The following CAMKMT variants were observed in gnomAD, a reference collection of about 807,000 sequenced individuals.
CAMKMT encodes the protein CaM KMT.
A neutral mutation model predicts 48.0 loss-of-function variants in CAMKMT; 53 were observed. The ratio of observed to expected loss-of-function variants is 1.10; its 90% confidence interval spans 0.89 to 1.39. CAMKMT has a LOEUF of 1.39. Ranked by LOEUF, CAMKMT falls within the 40% of genes most tolerant of loss-of-function variation. The probability of loss-of-function intolerance (pLI) is 0.00; values close to 1 mark genes in which losing one functional copy is unlikely to be tolerated. For synonymous variants in CAMKMT, 165 were observed against 152.3 expected, an observed-to-expected ratio of 1.08 and a Z score of -0.61; for missense variants, 428 against 402.7, an observed-to-expected ratio of 1.06 and a Z score of -0.54.
chr2:44,614,279 C>A (rs1316133986), intron 3 of CAMKMT, among the ~76,000 whole-genome samples: 2 of 152,162 alleles, frequency 1.3e-5, no homozygotes, highest in Non-Finnish European at 2.9e-5. Flanking sequence ...AGTGTCTTCC[C>A]TGTGCCAGGG....
At chr2:44,729,602 G>T (rs973350251) in intron 7 of CAMKMT, among the ~76,000 whole-genome samples, 13 of 152,194 alleles carry the variant, frequency 8.5e-5, no homozygotes, top group Non-Finnish European at 1.9e-4. Flanking sequence ...CAGGGCAGGT[G>T]AAGCAATGGG....
At position 44,536,638 on chromosome 2, in the gene CAMKMT, T is replaced by C. The variant is rs1666788209; in HGVS notation, c.376+146333T>C. ...CCACTACACCTGGCCTCCAACGTTA[T>C]TTTTCGTAGAAATAGAAAAAATAAT... is the stretch of plus-strand genomic sequence containing the variant. On this transcript the variant is annotated intron_variant, in intron 3 of 10. Coordinates refer to ENST00000378494, the MANE Select transcript of CAMKMT (RefSeq NM_024766.5). 4.6e-5 allele frequency among the ~76,000 whole-genome samples: 7 copies of C among 152,052 alleles called. No homozygotes were observed. The South Asian group carries it at 1.5e-3, about 32-fold the overall frequency.
At chr2:44,488,826 G>A (rs893559538) in intron 3 of CAMKMT, among the ~76,000 whole-genome samples, 1 of 148,752 alleles carries the variant, frequency 6.7e-6, no homozygotes, top group Non-Finnish European at 1.5e-5. Context: ...TTAAAAATTA[G>A]AAAAGCCTTA....
intron 3 of CAMKMT, among the ~76,000 whole-genome samples, chr2:44,607,530 C>G (rs1671353371): frequency 6.6e-6 from 1 of 152,044 alleles, no homozygotes; most frequent in African/African-American, 2.4e-5. Flanking sequence ...AAGATATTTT[C>G]TATTTATTTT....
chr2:44,667,938 G>A (rs149285773), intron 3 of CAMKMT, among the ~76,000 whole-genome samples: 709 of 152,038 alleles, frequency 4.7e-3, no homozygotes, highest in Non-Finnish European at 8.0e-3. Context: ...TTTCATCCTC[G>A]ACACTCAGCC....
intron 3 of CAMKMT, among the ~76,000 whole-genome samples, chr2:44,670,892 A>G (rs1035618898): frequency 2.0e-5 from 3 of 151,988 alleles, no homozygotes; most frequent in East Asian, 1.9e-4. Flanking sequence ...TAGAGATTAC[A>G]CTCTATTGCC....
chr2:44,545,693 T>TTC (rs1168076594), intron 3 of CAMKMT, among the ~76,000 whole-genome samples: 5 of 151,390 alleles, frequency 3.3e-5, no homozygotes, highest in Non-Finnish European at 7.4e-5. Context: ...TTTTTTTTTT[T>TTC]TTTTTAACTA....
intron 3 of CAMKMT, among the ~76,000 whole-genome samples, chr2:44,624,505 G>A (rs1181141362): frequency 2.0e-5 from 3 of 152,008 alleles, no homozygotes; most frequent in African/African-American, 4.8e-5. Flanking sequence ...AGTCCCCAGT[G>A]TGTGATGTTC....
intron 3 of CAMKMT, among the ~76,000 whole-genome samples, chr2:44,463,502 A>G (rs79339488): frequency 0.093 from 14,181 of 152,198 alleles, 917 homozygotes; most frequent in African/African-American, 0.17. Context: ...TGTACATGCA[A>G]TATACTAGCT....
chr2:44,614,955 T>TTTTTTG, intron 3 of CAMKMT, among the ~76,000 whole-genome samples: 1 of 139,030 alleles, frequency 7.2e-6, no homozygotes, highest in Non-Finnish European at 1.5e-5. Flanking sequence ...TTTTTTTTTT[T>TTTTTTG]TTTTTGAGAC....
intron 9 of CAMKMT, among the ~76,000 whole-genome samples, chr2:44,759,947 G>C (rs116325976): frequency 2.0e-5 from 3 of 152,084 alleles, no homozygotes; most frequent in Admixed American, 6.5e-5. Context: ...TGAATCTTTC[G>C]AATTTACGCC....
chr2:44,663,025 G>A (rs1674761234), intron 3 of CAMKMT, among the ~76,000 whole-genome samples: 1 of 152,158 alleles, frequency 6.6e-6, no homozygotes, highest in Non-Finnish European at 1.5e-5. Context: ...CAATTTGAGA[G>A]TAAATTGCAG....
intron 3 of CAMKMT, among the ~76,000 whole-genome samples, chr2:44,516,339 G>T (rs1670831986): frequency 6.6e-6 from 1 of 152,158 alleles, no homozygotes; most frequent in African/African-American, 2.4e-5. Flanking sequence ...GCATTTTCTA[G>T]TTTAATTTTT....
At chr2:44,605,503 T>C (rs1671233273) in intron 3 of CAMKMT, among the ~76,000 whole-genome samples, 1 of 152,130 alleles carries the variant, frequency 6.6e-6, no homozygotes, top group South Asian at 2.1e-4. Context: ...TACACACAGG[T>C]ATATCATCAC....
At chr2:44,448,110 T>G (rs1199106490) in intron 3 of CAMKMT, among the ~76,000 whole-genome samples, 1 of 152,200 alleles carries the variant, frequency 6.6e-6, no homozygotes, top group Non-Finnish European at 1.5e-5. Context: ...AGTTGTCCCT[T>G]GGTACATGTG....
At chr2:44,416,306 T>C (rs1479868211) in intron 3 of CAMKMT, among the ~76,000 whole-genome samples, 1 of 152,216 alleles carries the variant, frequency 6.6e-6, no homozygotes, top group African/African-American at 2.4e-5. Context: ...TCAGCTTTAA[T>C]GAGATATAAT....
chr2:44,592,656 G>C (rs953316281), intron 3 of CAMKMT, among the ~76,000 whole-genome samples: 1 of 152,128 alleles, frequency 6.6e-6, no homozygotes, highest in East Asian at 1.9e-4. Flanking sequence ...CTTTATCATA[G>C]GTATGTAAGT....
intron 3 of CAMKMT, among the ~76,000 whole-genome samples, chr2:44,597,052 C>T (rs1670709367): frequency 6.6e-6 from 1 of 152,082 alleles, no homozygotes; most frequent in Non-Finnish European, 1.5e-5. Context: ...GATAAAGTCA[C>T]CCTAGAAGTT....
Position 44,510,988 on chromosome 2 carries a change from G to A in CAMKMT, c.376+120683G>A, listed in dbSNP as rs186532723. Among the ~76,000 whole-genome samples the A allele has an allele frequency of 2.0e-5, 3 of 152,144 alleles. No homozygotes were observed. In the East Asian group the frequency reaches 5.8e-4, roughly 30 times the overall value. Reference sequence around the variant, plus strand: ...CCCAAGTAGCTGGGATTACAGGAATGTGCCACTGTGCTCAGCTCATTTTTG... The same window carrying A: ...CCCAAGTAGCTGGGATTACAGGAATATGCCACTGTGCTCAGCTCATTTTTG... On this transcript the variant is annotated intron_variant, in intron 3 of 10. Transcript: ENST00000378494.
Sources: allele counts gnomAD v4.1 joint callset (sites outside exome capture counted in the v4.1 genomes callset), GRCh38; gene constraint gnomAD v4.1.1; transcripts MANE v1.5; gene names NCBI Gene and HGNC (gene_info 2026-07-23, HGNC 2026-07-21).